Variants in GPC6 observed in about 807,000 individuals in gnomAD.
The protein encoded by GPC6 is glypican-6.
Under a neutral mutation model 55.2 loss-of-function variants are expected in GPC6, and 14 were observed. The observed-to-expected ratio is 0.25, with a 90% CI of 0.17 to 0.40. The LOEUF is 0.40. Ranked by LOEUF, GPC6 falls within the 10% of genes least tolerant of loss-of-function variation. The pLI, the probability that GPC6 is intolerant of heterozygous loss-of-function variation, is 1.00. For synonymous variants in GPC6, 278 were observed against 259.6 expected (o/e 1.07, Z -0.68); for missense variants, 641 against 708.5 (o/e 0.90, Z 1.08).
intron 4 of GPC6, among the ~76,000 whole-genome samples, chr13:94,128,835 A>G (rs538448157): frequency 2.0e-5 from 3 of 152,268 alleles, no homozygotes; most frequent in Admixed American, 1.3e-4. Flanking sequence ...GGAGAATCAC[A>G]AATGTGTCAA....
Position 93,366,355 on chromosome 13 carries a change from T to G in GPC6, c.160+138739T>G, listed in dbSNP as rs1881247002. Among the ~76,000 whole-genome samples, 3 of 152,096 alleles carry G rather than the reference T, an allele frequency of 2.0e-5. No individual in the cohort carries two copies. In the South Asian group the frequency reaches 6.2e-4, roughly 31 times the overall value. ...TCAACCAAATTCTGATGGAGCAGCA[T>G]GTCATCAACAATGACATTTCCAAAC... On this transcript the variant is annotated intron_variant, in intron 1 of 8. Coordinates refer to ENST00000377047, the MANE Select transcript of GPC6 (RefSeq NM_005708.5).
chr13:93,638,107 C>T (rs150303555), intron 2 of GPC6, among the ~76,000 whole-genome samples: 1 of 152,054 alleles, frequency 6.6e-6, no homozygotes, highest in African/African-American at 2.4e-5. Context: ...AATAGAGTGA[C>T]ACATTGTAGC....
chr13:93,259,330 G>T (rs1264247155), intron 1 of GPC6, among the ~76,000 whole-genome samples: 6 of 152,114 alleles, frequency 3.9e-5, no homozygotes, highest in African/African-American at 1.4e-4. Context: ...GTGGAAGTGG[G>T]TGAGTCCTAA....
chr13:93,617,639 T>A (rs1418001616), intron 2 of GPC6, among the ~76,000 whole-genome samples: 1 of 152,122 alleles, frequency 6.6e-6, no homozygotes, highest in Non-Finnish European at 1.5e-5. Flanking sequence ...AAAGCTGTCT[T>A]CTGGAATCCC....
At chr13:93,560,715 G>A (rs986999594) in intron 2 of GPC6, among the ~76,000 whole-genome samples, 2 of 148,686 alleles carry the variant, frequency 1.3e-5, no homozygotes, top group East Asian at 2.0e-4. Flanking sequence ...ATTATGAGCC[G>A]AGATCATGAC....
chr13:93,688,792 A>T (rs1882148528), intron 2 of GPC6, among the ~76,000 whole-genome samples: 1 of 152,046 alleles, frequency 6.6e-6, no homozygotes, highest in South Asian at 2.1e-4. Context: ...GAATTAATGT[A>T]TAGATACACA....
chr13:93,848,163 TCAGAGTATTTCCA>T (rs1330332063), intron 3 of GPC6, among the ~76,000 whole-genome samples: 3 of 152,148 alleles, frequency 2.0e-5, no homozygotes, highest in Non-Finnish European at 2.9e-5. Flanking sequence ...TACAAGTATG[TCAGAGTATTTCCA>T]ACAGAGAGAA....
In GPC6 at chr13:93,792,088, G is replaced by C. The variant is rs115655807; in HGVS notation, c.320-38066G>C. ...TAATTCCTTTCATTCTTAGCCATTA[G>C]AAAAATTAACAGGAAATGGAAATGC... On this transcript the variant is annotated intron_variant, in intron 2 of 8. Transcript: ENST00000377047. 5.2e-3 allele frequency among the ~76,000 whole-genome samples: 787 copies of C among 152,254 alleles called. 6 individuals are homozygous for C. Among genetic ancestry groups the C allele is most frequent in the African/African-American group, 0.018 (753 of 41,568 alleles).
chr13:93,941,938 C>T (rs1258799977), intron 3 of GPC6, among the ~76,000 whole-genome samples: 3 of 152,092 alleles, frequency 2.0e-5, no homozygotes, highest in Non-Finnish European at 2.9e-5. Context: ...AATTTTGACT[C>T]TTATTATTTG....
intron 4 of GPC6, among the ~76,000 whole-genome samples, chr13:94,264,874 A>G (rs118012055): frequency 0.024 from 3,684 of 152,336 alleles, 75 homozygotes; most frequent in East Asian, 0.07. Flanking sequence ...CCTATCTAAC[A>G]TGGCAGCAGG....
chr13:93,833,393 A>G (rs1189617073), intron 3 of GPC6, among the ~76,000 whole-genome samples: 2 of 152,214 alleles, frequency 1.3e-5, no homozygotes, highest in South Asian at 2.1e-4. Context: ...CATTAAGAAG[A>G]GAAGCAAGAA....
chr13:93,604,514 A>C (rs1293860126), intron 2 of GPC6, among the ~76,000 whole-genome samples: 1 of 152,148 alleles, frequency 6.6e-6, no homozygotes, highest in Non-Finnish European at 1.5e-5. Context: ...CCAAATCATA[A>C]CATTTGGAGG....
At chr13:93,418,228 A>G (rs1291319237) in intron 1 of GPC6, among the ~76,000 whole-genome samples, 3 of 151,914 alleles carry the variant, frequency 2.0e-5, no homozygotes, top group East Asian at 1.9e-4. Context: ...TAATAATCAC[A>G]TCATGATAAA....
Position 94,403,590 on chromosome 13 carries a change from C to G in GPC6, c.*373C>G, listed in dbSNP as rs1881247742. 3.6e-6 allele frequency: 1 copy of G among 276,234 alleles called. No homozygotes were observed. Among genetic ancestry groups the G allele is most frequent in the African/African-American group, 2.2e-5 (1 of 45,200 alleles). The allele number at this position is 276,234 out of a possible 1,614,324, so 17.1% of individuals were successfully genotyped here. A position where few individuals can be genotyped will look rare whatever the true frequency, so the allele number is the denominator to read the frequency against. ...AAAAAGGAAGAAAGAAAATAATTTTCCTTGTAAAATCGGGCCAAACCCCAA... is the reference window on the plus strand; with the variant it reads ...AAAAAGGAAGAAAGAAAATAATTTTGCTTGTAAAATCGGGCCAAACCCCAA... On this transcript the variant is annotated 3_prime_UTR_variant, in exon 9 of 9. Coordinates refer to ENST00000377047, the MANE Select transcript of GPC6 (RefSeq NM_005708.5).
At chr13:93,791,885 G>T (rs572806646) in intron 2 of GPC6, among the ~76,000 whole-genome samples, 1 of 152,252 alleles carries the variant, frequency 6.6e-6, no homozygotes, top group Admixed American at 6.5e-5. Context: ...TGTTAGCATC[G>T]CTGTCTCTTC....
At chr13:93,459,707 G>A (rs564566595) in intron 1 of GPC6, among the ~76,000 whole-genome samples, 63 of 152,124 alleles carry the variant, frequency 4.1e-4, no homozygotes, top group African/African-American at 6.7e-4. Context: ...GTGTGCTCTC[G>A]ATCCTCCCCT....
chr13:93,427,251 T>C (rs979218918), intron 1 of GPC6, among the ~76,000 whole-genome samples: 1 of 152,044 alleles, frequency 6.6e-6, no homozygotes, highest in South Asian at 2.1e-4. Context: ...AAAAAACTAC[T>C]TTAAAGTTCA....
intron 3 of GPC6, among the ~76,000 whole-genome samples, chr13:93,961,094 G>A (rs1244181943): frequency 3.3e-5 from 5 of 152,128 alleles, no homozygotes; most frequent in African/African-American, 4.8e-5. Flanking sequence ...GATTACAGGC[G>A]TGAGCCACCG....
intron 1 of GPC6, among the ~76,000 whole-genome samples, chr13:93,498,698 G>A (rs1300864030): frequency 1.3e-5 from 2 of 152,124 alleles, no homozygotes; most frequent in South Asian, 2.1e-4. Flanking sequence ...GGAACTGTAA[G>A]TTCAACTAAA....
Sources: allele counts gnomAD v4.1 joint callset (sites outside exome capture counted in the v4.1 genomes callset), GRCh38; gene constraint gnomAD v4.1.1; transcripts MANE v1.5; gene names NCBI Gene and HGNC (gene_info 2026-07-23, HGNC 2026-07-21).